TMEM132D: variants seen among roughly 807,000 people sequenced by gnomAD.
TMEM132D encodes mature OL transmembrane protein.
A neutral mutation model predicts 62.3 loss-of-function variants in TMEM132D; 21 were observed. That is an observed-to-expected ratio of 0.34 (90% CI 0.24 to 0.49). The LOEUF is 0.49. Among genes scored for constraint, TMEM132D ranks in the 20% least tolerant of loss-of-function variants. The pLI is 0.99. For synonymous variants in TMEM132D, 621 were observed against 575.6 expected, an observed-to-expected ratio of 1.08 and a Z score of -1.13; for missense variants, 1,346 against 1,402.8, an observed-to-expected ratio of 0.96 and a Z score of 0.65.
chr12:129,088,496 A>C lies in TMEM132D; in HGVS notation c.1444-3794T>G, dbSNP rs377745336. 2.1e-4 allele frequency among the ~76,000 whole-genome samples: 7 copies of C among 33,992 alleles called. 1 individual carries two copies. Among genetic ancestry groups the C allele is most frequent in the Non-Finnish European group, 1.4e-4 (3 of 21,528 alleles). The allele number at this position is 33,992 out of a possible 152,430, so 22.3% of individuals were successfully genotyped here. On this transcript the variant is annotated intron_variant, in intron 5 of 8. Coordinates refer to ENST00000422113, the MANE Select transcript of TMEM132D (RefSeq NM_133448.3). ...TGTCCTCCATGACCGGGTGTCCTCC[A>C]TGACCGGGATGTCCTCCATGACCGG... is the stretch of plus-strand genomic sequence containing the variant.
intron 3 of TMEM132D, among the ~76,000 whole-genome samples, chr12:129,442,417 ACT>A (rs1872966425): frequency 6.6e-6 from 1 of 152,062 alleles, no homozygotes. Flanking sequence ...GAGTCCCAAG[ACT>A]CTACCCTTTC....
At position 129,377,386 on chromosome 12, in the gene TMEM132D, G is replaced by T. The variant is rs74667487; in HGVS notation, c.1116-39569C>A. 2.8e-3 allele frequency among the ~76,000 whole-genome samples: 419 copies of T among 152,268 alleles called. 3 individuals are homozygous for T. Among genetic ancestry groups the T allele is most frequent in the African/African-American group, 9.6e-3 (397 of 41,560 alleles). On this transcript the variant is annotated intron_variant, in intron 3 of 8. Coordinates refer to ENST00000422113, the MANE Select transcript of TMEM132D (RefSeq NM_133448.3). ...CATACAGAAGGCTTCTTTGGGGTTT[G>T]GGCATTTCCAAGGTGTCATAATTCA... is the stretch of plus-strand genomic sequence containing the variant.
At chr12:129,826,846 G>A (rs1171286954) in intron 1 of TMEM132D, among the ~76,000 whole-genome samples, 2 of 152,034 alleles carry the variant, frequency 1.3e-5, no homozygotes, top group Admixed American at 6.6e-5. Flanking sequence ...CCAGCAACAA[G>A]GATGGAGAAA....
chr12:129,221,397 C>T (rs1879342079), intron 4 of TMEM132D, among the ~76,000 whole-genome samples: 1 of 152,112 alleles, frequency 6.6e-6, no homozygotes, highest in Admixed American at 6.6e-5. Context: ...CAATATAACC[C>T]AACTTATCCT....
At chr12:129,758,655 G>T (rs1870249686) in intron 1 of TMEM132D, among the ~76,000 whole-genome samples, 2 of 152,300 alleles carry the variant, frequency 1.3e-5, no homozygotes, top group South Asian at 2.1e-4. Context: ...TTTAATAACA[G>T]ATATGAAATT....
intron 3 of TMEM132D, among the ~76,000 whole-genome samples, chr12:129,352,113 G>A (rs578246857): frequency 1.2e-4 from 18 of 152,254 alleles, no homozygotes; most frequent in South Asian, 1.0e-3. Context: ...GCTGGGCTGC[G>A]TTCCCAGGAA....
At chr12:129,299,645 T>A (rs74380838) in intron 4 of TMEM132D, among the ~76,000 whole-genome samples, 1 of 151,280 alleles carries the variant, frequency 6.6e-6, no homozygotes, top group Non-Finnish European at 1.5e-5. Flanking sequence ...TTTTTTTTTT[T>A]AGCTCTTGGA....
chr12:129,715,925 G>A (rs1302343996), intron 1 of TMEM132D, among the ~76,000 whole-genome samples: 1 of 152,198 alleles, frequency 6.6e-6, no homozygotes, highest in East Asian at 1.9e-4. Flanking sequence ...GCCCATCAGG[G>A]ACCTGCAGTT....
intron 1 of TMEM132D, among the ~76,000 whole-genome samples, chr12:129,746,091 A>T (rs967443156): frequency 1.2e-4 from 19 of 152,226 alleles, no homozygotes; most frequent in African/African-American, 4.1e-4. Context: ...TCAAAAGCCA[A>T]TGAATCCACT....
chr12:129,881,227 T>C (rs1874581228), intron 1 of TMEM132D, among the ~76,000 whole-genome samples: 1 of 151,586 alleles, frequency 6.6e-6, no homozygotes, highest in East Asian at 1.9e-4. Flanking sequence ...CACAGAACCA[T>C]AAAGAGAAAC....
chr12:129,275,717 G>A (rs1880985319), intron 4 of TMEM132D, among the ~76,000 whole-genome samples: 1 of 152,228 alleles, frequency 6.6e-6, no homozygotes, highest in Non-Finnish European at 1.5e-5. Flanking sequence ...CATGTGAGTT[G>A]CTAAAGCAAT....
At chr12:129,466,383 C>G (rs1342750468) in intron 3 of TMEM132D, among the ~76,000 whole-genome samples, 2 of 144,840 alleles carry the variant, frequency 1.4e-5, no homozygotes, top group East Asian at 2.2e-4. Flanking sequence ...ACGATCATGG[C>G]TCACTGCAGC....
chr12:129,628,022 C>T (rs4759980), intron 2 of TMEM132D, among the ~76,000 whole-genome samples: 14,109 of 152,034 alleles, frequency 0.093, 800 homozygotes, highest in Middle Eastern at 0.17. Context: ...AAAAGATTTC[C>T]GATAAGAGGA....
At chr12:129,206,783 T>C (rs937187614) in intron 5 of TMEM132D, among the ~76,000 whole-genome samples, 1 of 152,138 alleles carries the variant, frequency 6.6e-6, no homozygotes, top group African/African-American at 2.4e-5. Context: ...TAAAAGAGAA[T>C]GAGATCATGT....
At chr12:129,739,625 A>G (rs955454359) in intron 1 of TMEM132D, among the ~76,000 whole-genome samples, 1 of 152,194 alleles carries the variant, frequency 6.6e-6, no homozygotes, top group Non-Finnish European at 1.5e-5. Context: ...AGAAAGCTGC[A>G]CTTGGTAAAT....
intron 5 of TMEM132D, among the ~76,000 whole-genome samples, chr12:129,181,229 T>C (rs1878057059): frequency 6.6e-6 from 1 of 152,168 alleles, no homozygotes; most frequent in Non-Finnish European, 1.5e-5. Flanking sequence ...GAGCCAGGCT[T>C]CTGAAAACAA....
intron 3 of TMEM132D, among the ~76,000 whole-genome samples, chr12:129,466,360 T>TGCAGGGAG (rs1007954466): frequency 7.9e-5 from 11 of 138,798 alleles, no homozygotes; most frequent in Admixed American, 4.0e-4. Flanking sequence ...CAGGCTGGAG[T>TGCAGGGAG]GCAGGGAGTG....
chr12:129,520,060 T>A (rs1057126932), intron 3 of TMEM132D, among the ~76,000 whole-genome samples: 1 of 152,178 alleles, frequency 6.6e-6, no homozygotes, highest in East Asian at 1.9e-4. Context: ...TACAGTACTG[T>A]TTTTGTTAGT....
At chr12:129,235,294 G>A (rs879443396) in intron 4 of TMEM132D, among the ~76,000 whole-genome samples, 1 of 151,822 alleles carries the variant, frequency 6.6e-6, no homozygotes, top group Non-Finnish European at 1.5e-5. Flanking sequence ...ATAAATGTAC[G>A]CAATTGTGCA....
Sources: gnomAD v4.1 joint callset for allele counts (sites outside exome capture counted in the v4.1 genomes callset) on GRCh38, gnomAD v4.1.1 for gene constraint, MANE v1.5 for transcripts, NCBI Gene and HGNC (gene_info 2026-07-23, HGNC 2026-07-21) for gene names.